The following DYSF variants were observed in gnomAD, a reference collection of about 807,000 sequenced individuals.
The protein encoded by DYSF is dysferlin.
DYSF carries 212 observed loss-of-function variants against 274.9 expected under a neutral mutation model. The ratio of observed to expected loss-of-function variants is 0.77; its 90% CI spans 0.69 to 0.86. The LOEUF (loss-of-function observed/expected upper bound fraction) is 0.86, where lower values mean the gene tolerates loss of function less well. Among genes scored for constraint, DYSF ranks in the 40% least tolerant of loss-of-function variants. DYSF has a pLI of 0.00. For synonymous variants in DYSF, 1,091 were observed against 1,078.7 expected, an observed-to-expected ratio of 1.01 and a Z score of -0.22; for missense variants, 2,666 against 2,783.2, an observed-to-expected ratio of 0.96 and a Z score of 0.95.
At chr2:71,544,047 G>A (rs1403435823) in intron 17 of DYSF, among the ~76,000 whole-genome samples, 2 of 152,242 alleles carry the variant, frequency 1.3e-5, no homozygotes, top group South Asian at 2.1e-4. Flanking sequence ...TTTGCTCCTC[G>A]TCTGTTCTCT....
At chr2:71,666,481 G>A (rs1022268725) in intron 47 of DYSF, among the ~76,000 whole-genome samples, 1 of 152,226 alleles carries the variant, frequency 6.6e-6, no homozygotes, top group East Asian at 1.9e-4. Context: ...GTACATATAG[G>A]TGTGCATGAG....
In DYSF at chr2:71,512,143, G is replaced by A. The variant is rs59644933; in HGVS notation, c.460+222G>A. Among the ~76,000 whole-genome samples the A allele has an allele frequency of 0.11, 16,246 of 152,264 alleles. 1,138 individuals are homozygous for A. Among genetic ancestry groups the A allele is most frequent in the African/African-American group, 0.19 (7,800 of 41,538 alleles). Reference sequence around the variant, plus strand: ...GGGCAGCAGGCACGTTCCCTTGGGCGGTGCAGGGAGTAATGTGAGGGTGCC... The same window carrying A: ...GGGCAGCAGGCACGTTCCCTTGGGCAGTGCAGGGAGTAATGTGAGGGTGCC... On this transcript the variant is annotated intron_variant, in intron 5 of 55. Transcript: ENST00000410020.
chr2:71,623,168 G>A (rs899161611), intron 41 of DYSF, among the ~76,000 whole-genome samples: 3 of 86,814 alleles, frequency 3.5e-5, no homozygotes, highest in South Asian at 9.3e-4. Flanking sequence ...TGATTAAATA[G>A]GGACTTATTT....
chr2:71,641,473 G>A (rs2094485925), intron 41 of DYSF, among the ~76,000 whole-genome samples: 1 of 152,066 alleles, frequency 6.6e-6, no homozygotes, highest in African/African-American at 2.4e-5. Context: ...TATTTTAATG[G>A]TCTTTTGAAA....
chr2:71,655,157 A>T (rs1047010895), intron 42 of DYSF, among the ~76,000 whole-genome samples: 3 of 152,136 alleles, frequency 2.0e-5, no homozygotes, highest in Non-Finnish European at 4.4e-5. Flanking sequence ...AATTTTGGTT[A>T]AAAAATTATA....
intron 1 of DYSF, among the ~76,000 whole-genome samples, chr2:71,480,680 A>G (rs551700934): frequency 1.1e-4 from 16 of 152,294 alleles, no homozygotes; most frequent in African/African-American, 3.8e-4. Context: ...CATGTTTCTG[A>G]TGTCCCAGAG....
intron 14 of DYSF, among the ~76,000 whole-genome samples, chr2:71,531,460 ACT>A (rs1487596624): frequency 6.6e-6 from 1 of 151,432 alleles, no homozygotes; most frequent in Non-Finnish European, 1.5e-5. Context: ...GAACAAGGTG[ACT>A]CTCTGCCTCC....
chr2:71,526,411 T>TGGGGGGGGGGGGGGGGGG, intron 13 of DYSF, 65 bp downstream of exon 13: 2 of 306,922 alleles, frequency 6.5e-6, no homozygotes, highest in Non-Finnish European at 1.0e-5. Flanking sequence ...CTGGTGGGGG[T>TGGGGGGGGGGGGGGGGGG]GGGCGATGGC....
chr2:71,597,296 G>A (rs1387739789), intron 32 of DYSF, among the ~76,000 whole-genome samples: 1 of 152,212 alleles, frequency 6.6e-6, no homozygotes, highest in Non-Finnish European at 1.5e-5. Context: ...GCAGGATGGA[G>A]TAGGGTGCCA....
At chr2:71,660,709 C>T (rs1440006951) in intron 45 of DYSF, 58 bp downstream of exon 45, 14 of 1,421,330 alleles carry the variant, frequency 9.8e-6, no homozygotes, top group Non-Finnish European at 8.9e-6. Flanking sequence ...AACCCACAGT[C>T]TAGTGGGGGA....
At chr2:71,513,658 G>A (rs1397375861) in intron 6 of DYSF, 58 bp from the exon 7 acceptor site, 3 of 1,575,766 alleles carry the variant, frequency 1.9e-6, no homozygotes, top group Non-Finnish European at 2.6e-6. Context: ...GGTCCCAGGG[G>A]CAGGGGCAGG....
chr2:71,601,505 A>G lies in DYSF; in HGVS notation c.3904A>G (p.Ile1302Val). 1 of 1,614,202 alleles carries G rather than the reference A, an allele frequency of 6.2e-7. No homozygotes were observed. The highest frequency in any genetic ancestry group is 8.5e-7 in the Non-Finnish European group (1 of 1,180,032). ...TCTCTTTTCTTCACTCCAGCCGGCCATCCACCATATTCCTGGTTTTGAGGT... is the reference window on the plus strand; with the variant it reads ...TCTCTTTTCTTCACTCCAGCCGGCCGTCCACCATATTCCTGGTTTTGAGGT... Reference protein sequence around the residue: ...FELIQREKPAIHHIPGFEVQE... With the variant: ...FELIQREKPAVHHIPGFEVQE... Residue 1302 changes from isoleucine to valine, a missense_variant, in exon 35 of 56, where the codon ATC becomes GTC. Ile to Val is a conservative substitution (Grantham distance 29). Transcript: ENST00000410020.
intron 41 of DYSF, among the ~76,000 whole-genome samples, chr2:71,635,925 G>A (rs544868871): frequency 3.3e-5 from 5 of 152,090 alleles, no homozygotes; most frequent in South Asian, 2.1e-4. Flanking sequence ...TTCTTGAGAC[G>A]GGATTGTGAT....
At chr2:71,680,887 A>G in intron 53 of DYSF, 114 bp from the exon 54 acceptor site, 1 of 841,508 alleles carries the variant, frequency 1.2e-6, no homozygotes, top group Non-Finnish European at 2.0e-6. Context: ...CAGAAACCCT[A>G]CATCTTTTTT....
chr2:71,607,155 T>C (rs1390909081), intron 36 of DYSF, among the ~76,000 whole-genome samples: 1 of 152,172 alleles, frequency 6.6e-6, no homozygotes, highest in Admixed American at 6.5e-5. Context: ...TACTTAAGCT[T>C]GGGGCACCAG....
chr2:71,526,942 C>G (rs948551008), intron 13 of DYSF, among the ~76,000 whole-genome samples: 4 of 152,236 alleles, frequency 2.6e-5, no homozygotes, highest in Non-Finnish European at 2.9e-5. Flanking sequence ...CCATCTCTTC[C>G]TCCCAGGAAG....
At chr2:71,478,212 A>ATT (rs61626723) in intron 1 of DYSF, among the ~76,000 whole-genome samples, 17 of 140,926 alleles carry the variant, frequency 1.2e-4, no homozygotes, top group Non-Finnish European at 2.3e-4. Flanking sequence ...ATCCTCAATA[A>ATT]TTTTTTTTTT....
chr2:71,536,583 C>T (rs974455205), intron 16 of DYSF, among the ~76,000 whole-genome samples: 6 of 152,168 alleles, frequency 3.9e-5, no homozygotes, highest in Admixed American at 2.6e-4. Context: ...TGAGTGGGTG[C>T]GGTTGTCTCC....
intron 1 of DYSF, among the ~76,000 whole-genome samples, chr2:71,477,144 T>C (rs2082457189): frequency 6.6e-6 from 1 of 152,028 alleles, no homozygotes; most frequent in Admixed American, 6.5e-5. Flanking sequence ...TTTTGATCAA[T>C]AGGAATTTTA....
Sources: allele counts gnomAD v4.1 joint callset (sites outside exome capture counted in the v4.1 genomes callset), GRCh38; gene constraint gnomAD v4.1.1; transcripts MANE v1.5; gene names NCBI Gene and HGNC (gene_info 2026-07-23, HGNC 2026-07-21).